NWD2: variants seen among roughly 807,000 people sequenced by gnomAD.
The protein encoded by NWD2 is NACHT and WD repeat domain-containing protein 2.
Under a neutral mutation model 132.7 loss-of-function variants are expected in NWD2, and 37 were observed. That is an observed-to-expected ratio of 0.28 (90% confidence interval 0.21 to 0.37). The LOEUF (loss-of-function observed/expected upper bound fraction) is 0.37. Among genes scored for constraint, NWD2 ranks in the 10% least tolerant of loss-of-function variants. The pLI, the probability that NWD2 is intolerant of heterozygous loss-of-function variation, is 1.00. For missense variants in NWD2, 1,592 were observed against 2,122.4 expected, an observed-to-expected ratio of 0.75 and a Z score of 4.91; for synonymous variants, 705 against 803.0, an observed-to-expected ratio of 0.88 and a Z score of 2.06.
intron 1 of NWD2, among the ~76,000 whole-genome samples, chr4:37,293,227 C>T (rs987503221): frequency 1.3e-5 from 2 of 152,142 alleles, no homozygotes. Context: ...TTCTCTTTCT[C>T]CATTAAAAAA....
chr4:37,316,865 G>A (rs970582301), intron 1 of NWD2, among the ~76,000 whole-genome samples: 3 of 152,032 alleles, frequency 2.0e-5, no homozygotes, highest in African/African-American at 7.2e-5. Flanking sequence ...TCTAGATCCT[G>A]ATTTTTCACC....
At chr4:37,374,865 A>G (rs943972307) in intron 3 of NWD2, among the ~76,000 whole-genome samples, 2 of 152,204 alleles carry the variant, frequency 1.3e-5, no homozygotes, top group Non-Finnish European at 2.9e-5. Flanking sequence ...ATTATGAGAA[A>G]ATACTCTGTA....
At chr4:37,425,801 G>A (rs1711989690) in intron 3 of NWD2, among the ~76,000 whole-genome samples, 1 of 152,184 alleles carries the variant, frequency 6.6e-6, no homozygotes, top group African/African-American at 2.4e-5. Flanking sequence ...TGGCTGGAAT[G>A]AATACTCTAT....
intron 1 of NWD2, among the ~76,000 whole-genome samples, chr4:37,322,839 A>C (rs1229373792): frequency 6.6e-6 from 1 of 152,194 alleles, no homozygotes; most frequent in African/African-American, 2.4e-5. Context: ...AGGGTGTATT[A>C]TAGAAAGAAA....
At chr4:37,273,386 C>A (rs1018986654) in intron 1 of NWD2, among the ~76,000 whole-genome samples, 10 of 151,986 alleles carry the variant, frequency 6.6e-5, no homozygotes, top group East Asian at 1.9e-4. Context: ...GCTAACTATC[C>A]TAAATATATG....
chr4:37,307,886 T>C (rs1463874678), intron 1 of NWD2, among the ~76,000 whole-genome samples: 1 of 152,160 alleles, frequency 6.6e-6, no homozygotes, highest in Non-Finnish European at 1.5e-5. Context: ...TATGATCTAG[T>C]CTATTGTTGA....
intron 3 of NWD2, among the ~76,000 whole-genome samples, chr4:37,379,652 G>C (rs1324878566): frequency 6.6e-6 from 1 of 152,192 alleles, no homozygotes; most frequent in Non-Finnish European, 1.5e-5. Flanking sequence ...TGATGAAGTA[G>C]TCCCAACCCG....
intron 1 of NWD2, among the ~76,000 whole-genome samples, chr4:37,296,687 G>A (rs1390635349): frequency 6.6e-6 from 1 of 152,010 alleles, no homozygotes; most frequent in Non-Finnish European, 1.5e-5. Context: ...ACAGACTCAG[G>A]AGCCAGAGTG....
At chr4:37,336,548 C>T (rs914731304) in intron 2 of NWD2, among the ~76,000 whole-genome samples, 17 of 152,166 alleles carry the variant, frequency 1.1e-4, no homozygotes, top group Non-Finnish European at 2.4e-4. Context: ...AGCTGAGAGC[C>T]ATGGGGGCCT....
At chr4:37,347,310 G>A (rs1380311442) in intron 2 of NWD2, among the ~76,000 whole-genome samples, 1 of 152,048 alleles carries the variant, frequency 6.6e-6, no homozygotes, top group Non-Finnish European at 1.5e-5. Context: ...TTATTTCATA[G>A]ACATATGTTC....
intron 2 of NWD2, among the ~76,000 whole-genome samples, chr4:37,337,365 A>G (rs1719430285): frequency 6.6e-6 from 1 of 152,142 alleles, no homozygotes; most frequent in Non-Finnish European, 1.5e-5. Context: ...TCAGAGTGGG[A>G]ACTCCTCCAT....
chr4:37,351,471 G>T (rs75721484), intron 2 of NWD2, among the ~76,000 whole-genome samples: 2 of 152,180 alleles, frequency 1.3e-5, no homozygotes, highest in Non-Finnish European at 2.9e-5. Context: ...TTGCAAAGAG[G>T]TGTTTATAGT....
At chr4:37,430,518 T>G (rs559714189) in intron 3 of NWD2, 54 bp from the exon 4 acceptor site, 1 of 1,281,678 alleles carries the variant, frequency 7.8e-7, no homozygotes, top group South Asian at 1.3e-5. Context: ...ATGTGAATAC[T>G]AAAATGAACT....
chr4:37,420,360 T>C (rs1309783350), intron 3 of NWD2, among the ~76,000 whole-genome samples: 1 of 152,146 alleles, frequency 6.6e-6, no homozygotes, highest in African/African-American at 2.4e-5. Flanking sequence ...TCAAACTATC[T>C]AATCCATGCA....
At chr4:37,440,928 G>A (rs186493302) in intron 6 of NWD2, among the ~76,000 whole-genome samples, 48 of 152,282 alleles carry the variant, frequency 3.2e-4, no homozygotes, top group African/African-American at 1.1e-3. Flanking sequence ...CTTAAGAACA[G>A]GACTTTCTTT....
At chr4:37,438,355 T>A (rs891506123) in intron 5 of NWD2, among the ~76,000 whole-genome samples, 1 of 152,086 alleles carries the variant, frequency 6.6e-6, no homozygotes, top group African/African-American at 2.4e-5. Context: ...AATGGTGAGG[T>A]CACTTTGTTA....
At position 37,394,646 on chromosome 4, in the gene NWD2, C is replaced by T. The variant is rs147221511; in HGVS notation, c.358-35926C>T. Among the ~76,000 whole-genome samples the T allele has an allele frequency of 4.4e-3, 673 of 152,132 alleles. 4 individuals are homozygous for T. Among genetic ancestry groups the T allele is most frequent in the African/African-American group, 0.015 (621 of 41,488 alleles). ...ATTTTTTATTTATCTTACCTGAAAG[C>T]TAGTCTAACCCTAGAGGAACAGGAA... On this transcript the variant is annotated intron_variant, in intron 3 of 6. Transcript: ENST00000309447.
chr4:37,249,456 A>G (rs934379947), intron 1 of NWD2, among the ~76,000 whole-genome samples: 2 of 152,244 alleles, frequency 1.3e-5, no homozygotes, highest in African/African-American at 4.8e-5. Context: ...TGGGCAGAGC[A>G]CAGACCACTC....
At chr4:37,429,518 G>A (rs1386214633) in intron 3 of NWD2, among the ~76,000 whole-genome samples, 2 of 152,164 alleles carry the variant, frequency 1.3e-5, no homozygotes, top group East Asian at 1.9e-4. Flanking sequence ...GTTTCATCAT[G>A]TTGGACAGGC....
Sources: gnomAD v4.1 joint callset for allele counts (sites outside exome capture counted in the v4.1 genomes callset) on GRCh38, gnomAD v4.1.1 for gene constraint, MANE v1.5 for transcripts, NCBI Gene and HGNC (gene_info 2026-07-23, HGNC 2026-07-21) for gene names.